The following MAF variants were observed in gnomAD, a reference collection of about 807,000 sequenced individuals.
The protein encoded by MAF is transcription factor Maf.
Under a neutral mutation model 22.0 loss-of-function variants are expected in MAF, and 10 were observed. That is an observed-to-expected ratio of 0.45 (90% CI 0.28 to 0.77). The LOEUF (loss-of-function observed/expected upper bound fraction) is 0.77, where lower values mean the gene tolerates loss of function less well. Ranked by LOEUF, MAF falls within the 30% of genes least tolerant of loss-of-function variation. The pLI is 0.12. For missense variants in MAF, 544 were observed against 548.4 expected (o/e 0.99, Z 0.08); for synonymous variants, 337 against 255.8 (o/e 1.32, Z -3.03).
At chr16:79,442,359 TTTTA>T in the MAF span, among the ~76,000 whole-genome samples, 3 of 151,918 alleles carry the variant, frequency 2.0e-5, no homozygotes, top group African/African-American at 2.4e-5. Context: ...TATCCTTTTA[TTTTA>T]TTTATTTATT....
At chr16:79,587,503 G>A (rs1327769475) in intron 1 of MAF, among the ~76,000 whole-genome samples, 1 of 152,152 alleles carries the variant, frequency 6.6e-6, no homozygotes, top group Non-Finnish European at 1.5e-5. Context: ...TTAAGAGATT[G>A]TGGGGAGAAT....
the MAF span, among the ~76,000 whole-genome samples, chr16:79,273,708 G>T: frequency 6.6e-6 from 1 of 152,096 alleles, no homozygotes; most frequent in Non-Finnish European, 1.5e-5. Flanking sequence ...CCACTGTAAA[G>T]AACTCTTGTG....
the MAF span, among the ~76,000 whole-genome samples, chr16:79,367,370 T>C: frequency 6.6e-6 from 1 of 152,212 alleles, no homozygotes; most frequent in African/African-American, 2.4e-5. Flanking sequence ...TTTGAAAGAC[T>C]GCAGTTACCA....
At chr16:79,551,535 C>G in the MAF span, among the ~76,000 whole-genome samples, 9 of 152,128 alleles carry the variant, frequency 5.9e-5, no homozygotes, top group African/African-American at 2.2e-4. Context: ...TCTCCAGGAC[C>G]TTTTGAAACA....
the MAF span, among the ~76,000 whole-genome samples, chr16:79,394,754 C>G: frequency 2.0e-5 from 3 of 152,172 alleles, no homozygotes; most frequent in African/African-American, 7.2e-5. Flanking sequence ...CACTCCTACT[C>G]CAATTTTTTA....
chr16:79,282,820 G>C, the MAF span, among the ~76,000 whole-genome samples: 1 of 152,126 alleles, frequency 6.6e-6, no homozygotes, highest in South Asian at 2.1e-4. Flanking sequence ...GAATGATTTT[G>C]GGTGCAGAAC....
chr16:79,513,134 C>T, the MAF span, among the ~76,000 whole-genome samples: 4 of 152,262 alleles, frequency 2.6e-5, no homozygotes, highest in Non-Finnish European at 5.9e-5. Flanking sequence ...CACTCTCACA[C>T]TGGTCCTCAC....
At chr16:79,456,272 TATTCCACTCC>T in the MAF span, among the ~76,000 whole-genome samples, 1 of 152,076 alleles carries the variant, frequency 6.6e-6, no homozygotes, top group African/African-American at 2.4e-5. Flanking sequence ...GCGATCTAAT[TATTCCACTCC>T]ATTCCACTCA....
the MAF span, among the ~76,000 whole-genome samples, chr16:79,519,505 A>G: frequency 6.6e-6 from 1 of 152,128 alleles, no homozygotes; most frequent in African/African-American, 2.4e-5. Context: ...TTCAAGCACG[A>G]AGCAGCATGT....
chr16:79,258,056 C>G, the MAF span, among the ~76,000 whole-genome samples: 1 of 152,108 alleles, frequency 6.6e-6, no homozygotes, highest in Non-Finnish European at 1.5e-5. Context: ...GATAACATCG[C>G]GTCTCAGCTG....
chr16:79,414,695 G>C, the MAF span, among the ~76,000 whole-genome samples: 1 of 152,226 alleles, frequency 6.6e-6, no homozygotes, highest in Non-Finnish European at 1.5e-5. Flanking sequence ...GTTTGGGTAA[G>C]AGAGAAATCA....
the MAF span, among the ~76,000 whole-genome samples, chr16:79,571,326 A>G: frequency 6.6e-6 from 1 of 152,008 alleles, no homozygotes; most frequent in Non-Finnish European, 1.5e-5. Flanking sequence ...TCCCAGATAC[A>G]CTTTCATTTT....
At chr16:79,331,075 G>A in the MAF span, among the ~76,000 whole-genome samples, 3 of 152,148 alleles carry the variant, frequency 2.0e-5, no homozygotes, top group Non-Finnish European at 2.9e-5. Flanking sequence ...GAAACAAAGT[G>A]GGTTTGTTTG....
At chr16:79,216,633 C>A in the MAF span, among the ~76,000 whole-genome samples, 4 of 152,154 alleles carry the variant, frequency 2.6e-5, no homozygotes, top group Admixed American at 6.5e-5. Context: ...TAAAGGTAGG[C>A]TGGGCTATGC....
chr16:79,272,048 G>C, the MAF span, among the ~76,000 whole-genome samples: 6 of 152,114 alleles, frequency 3.9e-5, no homozygotes, highest in Non-Finnish European at 7.3e-5. Flanking sequence ...TTCTCCCAGC[G>C]ACAGGTACGT....
the MAF span, among the ~76,000 whole-genome samples, chr16:79,558,139 G>T: frequency 6.6e-6 from 1 of 150,826 alleles, no homozygotes; most frequent in African/African-American, 2.5e-5. Flanking sequence ...TGGAGAGAGT[G>T]GGTCTTGGGT....
chr16:79,458,664 G>T, the MAF span, among the ~76,000 whole-genome samples: 11 of 152,198 alleles, frequency 7.2e-5, no homozygotes, highest in Admixed American at 2.6e-4. Flanking sequence ...ACATAAAAAA[G>T]TGGTAATAAT....
chr16:79,286,516 T>C, the MAF span, among the ~76,000 whole-genome samples: 1 of 152,338 alleles, frequency 6.6e-6, no homozygotes, highest in Non-Finnish European at 1.5e-5. Context: ...CACACATTTA[T>C]TTGCCACACC....
At chr16:79,305,510 C>A in the MAF span, among the ~76,000 whole-genome samples, 1 of 152,128 alleles carries the variant, frequency 6.6e-6, no homozygotes, top group Non-Finnish European at 1.5e-5. Context: ...CTGTGGTTCA[C>A]AGCTGAGGGT....
Sources: allele counts gnomAD v4.1 joint callset (sites outside exome capture counted in the v4.1 genomes callset), GRCh38; gene constraint gnomAD v4.1.1; transcripts MANE v1.5; gene names NCBI Gene and HGNC (gene_info 2026-07-23, HGNC 2026-07-21).